CNTNAP2: variants seen among roughly 807,000 people sequenced by gnomAD.
CNTNAP2 encodes contactin associated protein 2.
In CNTNAP2, 98 loss-of-function variants were observed where a neutral mutation model predicts 155.2. That is an observed-to-expected ratio of 0.63 (90% CI 0.54 to 0.75). CNTNAP2 has a LOEUF of 0.75. Ranked by LOEUF, CNTNAP2 falls within the 30% of genes least tolerant of loss-of-function variation. The pLI, the probability that CNTNAP2 is intolerant of heterozygous loss-of-function variation, is 0.00. For missense variants in CNTNAP2, 1,727 were observed against 1,688.1 expected (o/e 1.02, Z -0.40); for synonymous variants, 651 against 631.2 (o/e 1.03, Z -0.47).
At position 147,314,558 on chromosome 7, in the gene CNTNAP2, T is replaced by C. The variant is rs772471263; in HGVS notation, c.1498+14268T>C. Among the ~76,000 whole-genome samples the C allele has an allele frequency of 3.2e-4, 48 of 151,010 alleles. 3 individuals carry two copies. Among genetic ancestry groups the C allele is most frequent in the Non-Finnish European group, 5.8e-4 (39 of 67,536 alleles). ...CCCTTATTAGATCAGTATGCAAATA[T>C]AAAATTTGAGTAAAGATATTCTCTG... On this transcript the variant is annotated intron_variant, in intron 9 of 23. Transcript: ENST00000361727.
chr7:147,804,271 T>C (rs778791753), intron 13 of CNTNAP2, among the ~76,000 whole-genome samples: 22 of 152,196 alleles, frequency 1.4e-4, no homozygotes, highest in Non-Finnish European at 2.2e-4. Context: ...AGCCAAGCTG[T>C]TCATGGTTTA....
intron 1 of CNTNAP2, among the ~76,000 whole-genome samples, chr7:146,145,261 C>T (rs1475458072): frequency 2.0e-5 from 3 of 152,162 alleles, no homozygotes; most frequent in Non-Finnish European, 4.4e-5. Flanking sequence ...AGCTGAGTCA[C>T]ATTTGAAGCC....
Position 147,903,524 on chromosome 7 carries a change from C to G in CNTNAP2, c.2099-41C>G, listed in dbSNP as rs760055875. The G allele has an allele frequency of 3.7e-6, 6 of 1,611,946 alleles. No homozygotes were observed. In the Admixed American group the frequency reaches 1.0e-4, roughly 27 times the overall value. ...TAAGTGTGGCAGTCTAATGACTGAA[C>G]CCAGGTCTGTTTCTAAATATACCTT... is the stretch of plus-strand genomic sequence containing the variant. On this transcript the variant is annotated intron_variant, in intron 13 of 23. Transcript: ENST00000361727.
chr7:146,343,682 G>A (rs1794770127), intron 1 of CNTNAP2, among the ~76,000 whole-genome samples: 1 of 152,204 alleles, frequency 6.6e-6, no homozygotes, highest in East Asian at 1.9e-4. Context: ...ATTATAAATT[G>A]TGTAAAAGGC....
Position 146,839,769 on chromosome 7 carries a change from T to C in CNTNAP2, c.267T>C (p.Phe89=), listed in dbSNP as rs1451792901. ...SDHYQWLQVD[F]GNRKQISAIA... is the part of the protein sequence containing the mutation. ...ATTATCAATGGCTTCAGGTTGACTT[T>C]GGCAATCGGAAGCAGATCAGTGCCA... The change falls in exon 3 of 24, where the codon TTT becomes TTC. Residue 89 remains phenylalanine, a synonymous_variant. Coordinates refer to ENST00000361727, the MANE Select transcript of CNTNAP2 (RefSeq NM_014141.6). The C allele has an allele frequency of 1.2e-6, 2 of 1,614,200 alleles. No individual in the cohort carries two copies. The highest frequency in any genetic ancestry group is 1.3e-5 in the African/African-American group (1 of 75,044).
At chr7:147,136,015 T>C (rs899073672) in intron 8 of CNTNAP2, among the ~76,000 whole-genome samples, 7 of 151,238 alleles carry the variant, frequency 4.6e-5, no homozygotes, top group Middle Eastern at 3.4e-3. Flanking sequence ...TACATTACTA[T>C]TTGAATTATA....
At chr7:146,232,049 A>G (rs1413788984) in intron 1 of CNTNAP2, among the ~76,000 whole-genome samples, 1 of 151,938 alleles carries the variant, frequency 6.6e-6, no homozygotes, top group Non-Finnish European at 1.5e-5. Context: ...GAAACTATAA[A>G]AGAGGCTGGC....
At chr7:146,174,217 AG>A (rs1263145300) in intron 1 of CNTNAP2, among the ~76,000 whole-genome samples, 3 of 151,860 alleles carry the variant, frequency 2.0e-5, no homozygotes, top group African/African-American at 7.3e-5. Flanking sequence ...AAAAAAGGAA[AG>A]AAAAAAAAGA....
chr7:146,612,085 T>G (rs1228933419), intron 1 of CNTNAP2, among the ~76,000 whole-genome samples: 2 of 152,188 alleles, frequency 1.3e-5, no homozygotes, highest in African/African-American at 4.8e-5. Flanking sequence ...TTATTTAAAT[T>G]GACAACAATA....
Position 147,918,719 on chromosome 7 carries a change from G to A in CNTNAP2, c.2255+14998G>A, listed in dbSNP as rs140541963. On this transcript the variant is annotated intron_variant, in intron 14 of 23. Coordinates refer to ENST00000361727, the MANE Select transcript of CNTNAP2 (RefSeq NM_014141.6). ...AAACAGAAAAACTACCCTTATGCAG[G>A]AGGAATAATTCTAAAGACAGAAATA... is the stretch of plus-strand genomic sequence containing the variant. Among the ~76,000 whole-genome samples, 1,299 of 152,256 alleles carry A rather than the reference G, an allele frequency of 8.5e-3. 23 individuals carry two copies. Among genetic ancestry groups the A allele is most frequent in the African/African-American group, 0.029 (1,199 of 41,554 alleles).
intron 15 of CNTNAP2, among the ~76,000 whole-genome samples, chr7:147,990,053 A>G (rs1371139853): frequency 6.3e-5 from 4 of 63,640 alleles, no homozygotes; most frequent in African/African-American, 6.1e-4. Context: ...CCAACTGACT[A>G]CAAATTTGGG....
intron 15 of CNTNAP2, among the ~76,000 whole-genome samples, chr7:148,100,321 C>G (rs753355918): frequency 1.3e-5 from 2 of 152,184 alleles, no homozygotes; most frequent in Non-Finnish European, 2.9e-5. Context: ...CTTTCCATTA[C>G]CATCCACAAA....
intron 1 of CNTNAP2, among the ~76,000 whole-genome samples, chr7:146,136,928 C>T (rs1797806477): frequency 6.6e-6 from 1 of 152,166 alleles, no homozygotes; most frequent in Non-Finnish European, 1.5e-5. Context: ...AATGTTTTAG[C>T]ACCAAGTTGT....
intron 21 of CNTNAP2, among the ~76,000 whole-genome samples, chr7:148,308,230 T>C (rs1386342617): frequency 6.6e-6 from 1 of 152,100 alleles, no homozygotes; most frequent in Non-Finnish European, 1.5e-5. Context: ...AAATTATATA[T>C]AGTTGTGTAT....
chr7:147,738,650 C>CTTTTTTTT (rs111611444), intron 13 of CNTNAP2, among the ~76,000 whole-genome samples: 1 of 57,544 alleles, frequency 1.7e-5, no homozygotes, highest in Non-Finnish European at 3.5e-5. Context: ...GTAAACATAA[C>CTTTTTTTT]TTTTTTTTTT....
At chr7:146,201,618 C>CT (rs912478449) in intron 1 of CNTNAP2, among the ~76,000 whole-genome samples, 1 of 148,278 alleles carries the variant, frequency 6.7e-6, no homozygotes, top group Admixed American at 6.8e-5. Context: ...TGAAACAGAA[C>CT]TTTTTTTTAA....
chr7:147,933,775 A>C (rs1221911230), intron 14 of CNTNAP2, among the ~76,000 whole-genome samples: 2 of 152,148 alleles, frequency 1.3e-5, no homozygotes, highest in African/African-American at 2.4e-5. Flanking sequence ...AGGTGGGAGA[A>C]TCGATTGAAT....
intron 16 of CNTNAP2, among the ~76,000 whole-genome samples, chr7:148,127,834 A>G (rs957951574): frequency 3.9e-5 from 6 of 152,194 alleles, no homozygotes; most frequent in Non-Finnish European, 7.3e-5. Flanking sequence ...TTTTATTAGT[A>G]CAAATCAGGT....
chr7:146,653,436 T>C (rs1289431503), intron 1 of CNTNAP2, among the ~76,000 whole-genome samples: 2 of 152,166 alleles, frequency 1.3e-5, no homozygotes, highest in East Asian at 1.9e-4. Flanking sequence ...GGCTAGACTG[T>C]GTATAAATTT....
Sources: gnomAD v4.1 joint callset for allele counts (sites outside exome capture counted in the v4.1 genomes callset) on GRCh38, gnomAD v4.1.1 for gene constraint, MANE v1.5 for transcripts, NCBI Gene and HGNC (gene_info 2026-07-23, HGNC 2026-07-21) for gene names.